TFAP2A: variants seen among roughly 807,000 people sequenced by gnomAD.
The protein encoded by TFAP2A is transcription factor AP-2-alpha.
In TFAP2A, 7 loss-of-function variants were observed where a neutral mutation model predicts 41.5. The ratio of observed to expected loss-of-function variants is 0.17; its 90% confidence interval spans 0.10 to 0.32. The LOEUF (loss-of-function observed/expected upper bound fraction) is 0.32. Among genes scored for constraint, TFAP2A ranks in the 10% least tolerant of loss-of-function variants. The pLI, the probability that TFAP2A is intolerant of heterozygous loss-of-function variation, is 1.00. For missense variants in TFAP2A, 416 were observed against 563.3 expected (o/e 0.74, Z 2.65); for synonymous variants, 247 against 242.8 (o/e 1.02, Z -0.16).
chr6:10,406,599 C>CAAAGCTA (rs1757724192), intron 3 of TFAP2A, 194 bp downstream of exon 3: 3 of 614,140 alleles, frequency 4.9e-6, no homozygotes, highest in African/African-American at 1.8e-5. Flanking sequence ...TGAGTCAGAA[C>CAAAGCTA]AAAGCTAGCC....
At chr6:10,404,962 C>A in intron 3 of TFAP2A, 1 of 596,048 alleles carries the variant, frequency 1.7e-6, no homozygotes, top group Admixed American at 3.0e-5. Context: ...TGCCCTCCCC[C>A]AGCCAGCCTG....
intron 4 of TFAP2A, among the ~76,000 whole-genome samples, chr6:10,403,145 GA>G (rs1757493594): frequency 6.6e-6 from 1 of 152,254 alleles, no homozygotes; most frequent in African/African-American, 2.4e-5. Context: ...GTCAAAAGCT[GA>G]TATCAGCCCT....
At chr6:10,412,018 C>T (rs923528214) in intron 1 of TFAP2A, 20 of 1,062,758 alleles carry the variant, frequency 1.9e-5, no homozygotes, top group Non-Finnish European at 2.2e-5. Flanking sequence ...CCTGGAGCCT[C>T]CTAATAGCAG....
chr6:10,406,624 A>G (rs1326709266), intron 3 of TFAP2A, 169 bp downstream of exon 3: 3 of 660,684 alleles, frequency 4.5e-6, no homozygotes, highest in Admixed American at 4.5e-5. Flanking sequence ...GGCATTACCA[A>G]CATACTGAAG....
chr6:10,404,133 G>C (rs1437271146), intron 4 of TFAP2A, among the ~76,000 whole-genome samples: 1 of 152,250 alleles, frequency 6.6e-6, no homozygotes, highest in Non-Finnish European at 1.5e-5. Flanking sequence ...AGGTGTGCGC[G>C]AAGAGGGAAA....
intron 4 of TFAP2A, among the ~76,000 whole-genome samples, chr6:10,403,915 T>C (rs1304741701): frequency 7.9e-5 from 12 of 152,184 alleles, no homozygotes; most frequent in Admixed American, 7.9e-4. Flanking sequence ...ATCATCATCA[T>C]ATGCAAACGC....
At chr6:10,413,134 C>T (rs1053052778) in intron 1 of TFAP2A, among the ~76,000 whole-genome samples, 4 of 152,226 alleles carry the variant, frequency 2.6e-5, no homozygotes, top group African/African-American at 9.6e-5. Flanking sequence ...AGCGGCACCT[C>T]GCCTCCTGCG....
rs1008635901 is a variant in TFAP2A, at chr6:10,397,750, A to G, written c.*667T>C. The G allele has an allele frequency of 9.4e-6, 5 of 530,532 alleles. No individual in the cohort carries two copies. Among genetic ancestry groups the G allele is most frequent in the Non-Finnish European group, 1.2e-5 (5 of 414,566 alleles). The allele number at this position is 530,532 out of a possible 1,614,324, so 32.9% of individuals were successfully genotyped here. A position where few individuals can be genotyped will look rare whatever the true frequency, so the allele number is the denominator to read the frequency against. On this transcript the variant is annotated 3_prime_UTR_variant, in exon 7 of 7. Transcript: ENST00000379613. ...AATATATACAGAGACGTGAACACTG[A>G]TTCCCTTATATAACTGCGAATCGTG...
At chr6:10,417,566 C>T (rs762241756), upstream of TFAP2A, among the ~76,000 whole-genome samples, 2 of 152,164 alleles carry the variant, frequency 1.3e-5, no homozygotes, top group African/African-American at 2.4e-5. Flanking sequence ...GGTTGGAGGT[C>T]GGAGATCCAG....
intron 1 of TFAP2A, chr6:10,414,723 G>A: frequency 2.9e-6 from 2 of 686,432 alleles, no homozygotes; most frequent in Admixed American, 2.2e-5. Context: ...AGTGGGACAC[G>A]AGCTTCAAAG....
chr6:10,419,206 C>T (rs1199090006), upstream of TFAP2A, among the ~76,000 whole-genome samples: 2 of 152,194 alleles, frequency 1.3e-5, no homozygotes, highest in African/African-American at 4.8e-5. Context: ...CCGCGGGCTG[C>T]GCGCTTTGCG....
rs1757992555 is a variant in TFAP2A at position 10,411,999 on chromosome 6, G to T, written c.52-1664C>A. The T allele has an allele frequency of 9.3e-6, 10 of 1,078,034 alleles. No individual in the cohort carries two copies. The South Asian group carries it at 2.3e-4, about 25-fold the overall frequency. The allele number at this position is 1,078,034 out of a possible 1,614,324, so 66.8% of individuals were successfully genotyped here. On this transcript the variant is annotated intron_variant, in intron 1 of 6. Coordinates refer to ENST00000379613, the MANE Select transcript of TFAP2A (RefSeq NM_001372066.1). ...GCTTGAGCTTCTAATAACCGCGCTG[G>T]GCAGCGTTCCTGGAGCCTCCTAATA...
At chr6:10,411,876 A>G in intron 1 of TFAP2A, 1 of 1,322,636 alleles carries the variant, frequency 7.6e-7, no homozygotes, top group Admixed American at 3.3e-5. Flanking sequence ...AAAAATGAAA[A>G]ACCCCAAAAA....
At chr6:10,412,837 C>T (rs1171788115) in intron 1 of TFAP2A, 2 of 168,244 alleles carry the variant, frequency 1.2e-5, no homozygotes, top group South Asian at 1.2e-4. Flanking sequence ...TCTCCTCGGC[C>T]TCCTCTTGAG....
Sources: allele counts gnomAD v4.1 joint callset (sites outside exome capture counted in the v4.1 genomes callset), GRCh38; gene constraint gnomAD v4.1.1; transcripts MANE v1.5; gene names NCBI Gene and HGNC (gene_info 2026-07-23, HGNC 2026-07-21).